The following WRN variants were observed in gnomAD, a reference collection of about 807,000 sequenced individuals.
WRN encodes WRN RecQ like helicase.
In WRN, 149 loss-of-function variants were observed where a neutral mutation model predicts 180.7. The observed-to-expected ratio is 0.82, with a 90% CI of 0.72 to 0.94. WRN has a LOEUF of 0.94. WRN is among the 40% of genes least tolerant of loss of function. The pLI is 0.00. For missense variants in WRN, 1,661 were observed against 1,700.1 expected (o/e 0.98, Z 0.40); for synonymous variants, 548 against 568.9 (o/e 0.96, Z 0.52).
At position 31,150,362 on chromosome 8, in the gene WRN, A is replaced by G. The variant is rs764282607; in HGVS notation, c.3594A>G (p.Val1198=). 6.2e-7 allele frequency: 1 copy of G among 1,614,130 alleles called. No homozygotes were observed. The highest frequency in any genetic ancestry group is 1.7e-5 in the Admixed American group (1 of 60,020). ...AKMRPTTVEN[V]KRIDGVSEGK... is the part of the protein sequence containing the mutation. ...ACAGACCAACTACGGTTGAAAACGT[A>G]AAAAGGATTGATGGTGTTTCTGAAG... Residue 1198 remains valine, a synonymous_variant, in exon 31 of 35, where the codon GTA becomes GTG. Coordinates refer to ENST00000298139, the MANE Select transcript of WRN (RefSeq NM_000553.6).
chr8:31,147,981 G>A (rs1290672345), intron 30 of WRN, among the ~76,000 whole-genome samples: 1 of 148,490 alleles, frequency 6.7e-6, no homozygotes, highest in East Asian at 2.0e-4. Context: ...TTGACCCCCT[G>A]GACTCAAGCT....
intron 21 of WRN, among the ~76,000 whole-genome samples, chr8:31,122,336 A>C (rs1801755016): frequency 6.6e-6 from 1 of 152,020 alleles, no homozygotes; most frequent in Admixed American, 6.6e-5. Flanking sequence ...AGAATAAATG[A>C]AGTTGCTGGT....
chr8:31,092,439 T>TTGTGTG (rs142679273), intron 16 of WRN, among the ~76,000 whole-genome samples: 18 of 146,814 alleles, frequency 1.2e-4, no homozygotes, highest in African/African-American at 2.2e-4. Context: ...CACACCCATT[T>TTGTGTG]TGTGTGTGTG....
intron 1 of WRN, among the ~76,000 whole-genome samples, chr8:31,042,697 T>C (rs2129923142): frequency 6.6e-6 from 1 of 152,320 alleles, no homozygotes; most frequent in Admixed American, 6.5e-5. Context: ...TAGCATACTA[T>C]TGTGAATAAT....
At chr8:31,125,554 A>G (rs866319174) in intron 23 of WRN, among the ~76,000 whole-genome samples, 12 of 128,548 alleles carry the variant, frequency 9.3e-5, no homozygotes, top group Non-Finnish European at 1.7e-4. Context: ...ATATATATAT[A>G]TATATATATA....
chr8:31,155,307 A>C, intron 32 of WRN, among the ~76,000 whole-genome samples: 1 of 152,162 alleles, frequency 6.6e-6, no homozygotes, highest in South Asian at 2.1e-4. Context: ...CTCTTTGAAA[A>C]CAATCTAATT....
In WRN at chr8:31,125,083, G is replaced by T. The variant is rs1047281569; in HGVS notation, c.2825+83G>T. ...ATGTTTAACTGAATTTTTGTTGAAT[G>T]ATAAGTATTTCAGTTTTTTAAACAA... On this transcript the variant is annotated intron_variant, in intron 23 of 34. Transcript: ENST00000298139. 29 of 1,319,806 alleles carry T rather than the reference G, an allele frequency of 2.2e-5. No homozygotes were observed. The East Asian group carries it at 6.3e-4, about 28-fold the overall frequency. 81.8% of individuals were successfully genotyped at this position (1,319,806 alleles called of 1,614,324 possible). A position where few individuals can be genotyped will look rare whatever the true frequency, so the allele number is the denominator to read the frequency against.
chr8:31,165,418 G>A (rs1803815482), intron 33 of WRN, among the ~76,000 whole-genome samples: 1 of 151,950 alleles, frequency 6.6e-6, no homozygotes, highest in Non-Finnish European at 1.5e-5. Flanking sequence ...TACAATGTGA[G>A]CTACATATGC....
At chr8:31,096,983 C>G (rs557066652) in intron 17 of WRN, 133 bp downstream of exon 17, 128 of 831,982 alleles carry the variant, frequency 1.5e-4, no homozygotes, top group Middle Eastern at 1.2e-3. Context: ...ATCTCTGACT[C>G]TCTAACTTGC....
At chr8:31,045,665 G>A (rs1174509120) in intron 1 of WRN, among the ~76,000 whole-genome samples, 3 of 152,134 alleles carry the variant, frequency 2.0e-5, no homozygotes, top group Non-Finnish European at 4.4e-5. Context: ...GCCTCCGAAA[G>A]TGCTGGGATT....
Position 31,067,198 on chromosome 8 carries a change from T to G in WRN, c.654+16T>G. The stretch of plus-strand genomic sequence containing the variant: ...TGATGCTTATGTACGTGCTTAAAGA[T>G]CTTTAGAAATTGTGATGTGTTTTAA... On this transcript the variant is annotated intron_variant, in intron 6 of 34. Coordinates refer to ENST00000298139, the MANE Select transcript of WRN (RefSeq NM_000553.6). The G allele has an allele frequency of 6.2e-7, 1 of 1,612,936 alleles. No homozygotes were observed. Among genetic ancestry groups the G allele is most frequent in the South Asian group, 1.1e-5 (1 of 91,066 alleles).
intron 11 of WRN, among the ~76,000 whole-genome samples, chr8:31,086,850 A>G (rs1220122321): frequency 1.3e-5 from 2 of 152,224 alleles, no homozygotes; most frequent in South Asian, 2.1e-4. Context: ...TTCTCTGAGA[A>G]GTACTGTTCC....
chr8:31,166,170 G>A (rs1991216), intron 33 of WRN, among the ~76,000 whole-genome samples: 24,541 of 152,124 alleles, frequency 0.16, 2,208 homozygotes, highest in South Asian at 0.25. Flanking sequence ...TTTTCAGGTT[G>A]TCATTTGAAA....
rs572576415 is a variant in WRN, at chr8:31,128,612, C to G, written c.2825+3612C>G. On this transcript the variant is annotated intron_variant, in intron 23 of 34. Coordinates refer to ENST00000298139, the MANE Select transcript of WRN (RefSeq NM_000553.6). ...CAGTGGCTCATGCCTGTAATCCCAGCACTTTGGGAGGCCGAGGCGGGTGGA... is the reference window on the plus strand; with the variant it reads ...CAGTGGCTCATGCCTGTAATCCCAGGACTTTGGGAGGCCGAGGCGGGTGGA... 8.5e-4 allele frequency among the ~76,000 whole-genome samples: 129 copies of G among 152,312 alleles called. 2 individuals carry two copies. The highest frequency in any genetic ancestry group is 1.2e-4 in the Non-Finnish European group (8 of 68,016).
chr8:31,049,905 T>C (rs2129960973), intron 1 of WRN, among the ~76,000 whole-genome samples: 1 of 151,988 alleles, frequency 6.6e-6, no homozygotes, highest in South Asian at 2.1e-4. Context: ...ATTAATCTTG[T>C]GGTCAAGAAA....
intron 12 of WRN, among the ~76,000 whole-genome samples, chr8:31,088,587 T>C (rs1441437974): frequency 3.3e-5 from 5 of 152,162 alleles, no homozygotes; most frequent in Admixed American, 3.3e-4. Flanking sequence ...GATTGGTATA[T>C]TGCTTGCCAT....
At chr8:31,163,089 G>T (rs1327519410) in intron 33 of WRN, among the ~76,000 whole-genome samples, 3 of 151,844 alleles carry the variant, frequency 2.0e-5, no homozygotes, top group Admixed American at 2.0e-4. Context: ...GTTGTAATGG[G>T]GTGTGTGTGT....
chr8:31,044,618 G>A (rs992572859), intron 1 of WRN, among the ~76,000 whole-genome samples: 1 of 152,114 alleles, frequency 6.6e-6, no homozygotes, highest in Non-Finnish European at 1.5e-5. Context: ...GCCTCCCAAA[G>A]TTCTGGGATT....
At chr8:31,119,957 A>G (rs1801657088) in intron 20 of WRN, 3 of 360,686 alleles carry the variant, frequency 8.3e-6, no homozygotes, top group African/African-American at 4.2e-5. Flanking sequence ...CTTTAACACA[A>G]TAAATATTTT....
Sources: gnomAD v4.1 joint callset for allele counts (sites outside exome capture counted in the v4.1 genomes callset) on GRCh38, gnomAD v4.1.1 for gene constraint, MANE v1.5 for transcripts, NCBI Gene and HGNC (gene_info 2026-07-23, HGNC 2026-07-21) for gene names.